Variants in CADM2 observed in about 807,000 individuals in gnomAD.
CADM2 encodes cell adhesion molecule 2, also known as immunoglobulin superfamily member 4D.
CADM2 carries 12 observed loss-of-function variants against 49.8 expected under a neutral mutation model. The ratio of observed to expected loss-of-function variants is 0.24; its 90% CI spans 0.15 to 0.39. The LOEUF is 0.39. Among genes scored for constraint, CADM2 ranks in the 10% least tolerant of loss-of-function variants. CADM2 has a pLI of 1.00. For synonymous variants in CADM2, 214 were observed against 175.4 expected, an observed-to-expected ratio of 1.22 and a Z score of -1.74; for missense variants, 378 against 492.3, an observed-to-expected ratio of 0.77 and a Z score of 2.20.
intron 1 of CADM2, among the ~76,000 whole-genome samples, chr3:85,428,464 G>C (rs759106498): frequency 8.3e-5 from 12 of 144,200 alleles, no homozygotes; most frequent in Non-Finnish European, 1.7e-4. Flanking sequence ...TATATGATAT[G>C]TATCATACTA....
chr3:85,097,312 C>T (rs1309958885), intron 1 of CADM2, among the ~76,000 whole-genome samples: 3 of 152,110 alleles, frequency 2.0e-5, no homozygotes, highest in Non-Finnish European at 4.4e-5. Flanking sequence ...ATCCATGTCC[C>T]TACAAAGGAC....
chr3:85,610,793 A>T (rs2063661934), intron 1 of CADM2, among the ~76,000 whole-genome samples: 1 of 152,014 alleles, frequency 6.6e-6, no homozygotes, highest in African/African-American at 2.4e-5. Flanking sequence ...AAATTACAAT[A>T]TAATTAATGT....
chr3:86,039,016 T>C (rs1326426409), intron 8 of CADM2, among the ~76,000 whole-genome samples: 2 of 152,198 alleles, frequency 1.3e-5, no homozygotes, highest in Non-Finnish European at 2.9e-5. Flanking sequence ...CTCCTCTCTA[T>C]ATGTCCGTAC....
rs1198080656 is a variant in CADM2 at position 85,080,331 on chromosome 3, C to G, written c.61+120663C>G. On this transcript the variant is annotated intron_variant, in intron 1 of 9. Transcript: ENST00000383699. ...AGCGGACCATGGATTCATGCTTGGTCAAAAACAGAAAATACATATCATTTC... is the reference window on the plus strand; with the variant it reads ...AGCGGACCATGGATTCATGCTTGGTGAAAAACAGAAAATACATATCATTTC... 2.6e-5 allele frequency among the ~76,000 whole-genome samples: 4 copies of G among 151,970 alleles called. 1 individual carries two copies. The East Asian group carries it at 7.8e-4, about 29-fold the overall frequency.
chr3:85,820,699 G>T (rs939162927), intron 3 of CADM2, among the ~76,000 whole-genome samples: 3 of 152,082 alleles, frequency 2.0e-5, no homozygotes, highest in Non-Finnish European at 2.9e-5. Context: ...GAGATTACAT[G>T]ATAGCCAATT....
At chr3:85,629,142 CAT>C (rs969025238) in intron 1 of CADM2, among the ~76,000 whole-genome samples, 2 of 151,028 alleles carry the variant, frequency 1.3e-5, no homozygotes, top group African/African-American at 4.9e-5. Context: ...TATATATGGT[CAT>C]ATATATATAT....
rs976771558 is a variant in CADM2, at chr3:86,012,523, G to A, written c.970+50876G>A. ...GCGGGCGGACTGCCCTGAGGAGGCC[G>A]GGAGCGGAGGGCTGGGCCAGCCAGC... is the stretch of plus-strand genomic sequence containing the variant. On this transcript the variant is annotated intron_variant, in intron 8 of 9. Transcript: ENST00000383699. The A allele has an allele frequency of 6.5e-5, 86 of 1,332,980 alleles. No homozygotes were observed. The East Asian group carries it at 2.3e-3, about 36-fold the overall frequency. The allele number at this position is 1,332,980 out of a possible 1,614,324, so 82.6% of individuals were successfully genotyped here.
At chr3:85,081,145 ATAT>A (rs1160242905) in intron 1 of CADM2, among the ~76,000 whole-genome samples, 1 of 152,140 alleles carries the variant, frequency 6.6e-6, no homozygotes, top group Non-Finnish European at 1.5e-5. Flanking sequence ...ATAAGTGAAA[ATAT>A]TCATAATGTT....
At chr3:85,364,665 T>G (rs893338373) in intron 1 of CADM2, among the ~76,000 whole-genome samples, 4 of 152,186 alleles carry the variant, frequency 2.6e-5, no homozygotes, top group African/African-American at 9.7e-5. Context: ...AAGCAATGAA[T>G]TACTACAGCC....
intron 8 of CADM2, among the ~76,000 whole-genome samples, chr3:85,972,993 A>G (rs547789489): frequency 1.3e-5 from 2 of 151,888 alleles, no homozygotes; most frequent in South Asian, 4.1e-4. Context: ...ATATAGAACT[A>G]TTCTGTATGC....
intron 2 of CADM2, among the ~76,000 whole-genome samples, chr3:85,767,259 G>A (rs2069705338): frequency 6.6e-6 from 1 of 152,132 alleles, no homozygotes. Context: ...GGCTGACTGT[G>A]TCAATATTGG....
At chr3:85,958,806 C>A (rs910331254) in intron 7 of CADM2, among the ~76,000 whole-genome samples, 2 of 151,820 alleles carry the variant, frequency 1.3e-5, no homozygotes, top group African/African-American at 4.8e-5. Flanking sequence ...GAACAGAAAA[C>A]CAAACACTTC....
At chr3:85,515,765 C>T (rs942168693) in intron 1 of CADM2, among the ~76,000 whole-genome samples, 1 of 151,748 alleles carries the variant, frequency 6.6e-6, no homozygotes, top group African/African-American at 2.4e-5. Flanking sequence ...ACATGAGCCA[C>T]TGTGCTTGGC....
chr3:85,041,888 A>AAG (rs1415537443), intron 1 of CADM2, among the ~76,000 whole-genome samples: 1 of 152,222 alleles, frequency 6.6e-6, no homozygotes, highest in Non-Finnish European at 1.5e-5. Context: ...AAAGAAAAAA[A>AAG]AGTCTTACAG....
chr3:85,771,313 A>T (rs1166379910), intron 2 of CADM2, among the ~76,000 whole-genome samples: 7 of 152,116 alleles, frequency 4.6e-5, no homozygotes, highest in African/African-American at 1.2e-4. Context: ...GGGAAATTAA[A>T]TACAAATTAA....
rs538467630 is a variant in CADM2, at chr3:85,811,360, A to G, written c.238+9164A>G. ...TTACTAAAACCCTACTAAAAGAAAA[A>G]TTATTTTAACAAACACTGAACAGTT... On this transcript the variant is annotated intron_variant, in intron 3 of 9. Coordinates refer to ENST00000383699, the MANE Select transcript of CADM2 (RefSeq NM_001167675.2). 4.6e-5 allele frequency among the ~76,000 whole-genome samples: 7 copies of G among 152,318 alleles called. No individual in the cohort carries two copies. The South Asian group carries it at 1.4e-3, about 32-fold the overall frequency.
At chr3:85,598,450 T>G in intron 1 of CADM2, among the ~76,000 whole-genome samples, 1 of 152,034 alleles carries the variant, frequency 6.6e-6, no homozygotes, top group East Asian at 1.9e-4. Context: ...CTATATTTTG[T>G]GTAAATTAAT....
chr3:85,833,927 T>C (rs1171753396), intron 3 of CADM2, among the ~76,000 whole-genome samples: 1 of 151,708 alleles, frequency 6.6e-6, no homozygotes, highest in Non-Finnish European at 1.5e-5. Flanking sequence ...GAGATTGCAT[T>C]GAATCTGTAG....
intron 6 of CADM2, among the ~76,000 whole-genome samples, chr3:85,921,725 C>A (rs1719141618): frequency 6.6e-6 from 1 of 151,804 alleles, no homozygotes; most frequent in African/African-American, 2.4e-5. Context: ...TGGGTTTTGA[C>A]ATGTGTATAA....
Sources: gnomAD v4.1 joint callset for allele counts (sites outside exome capture counted in the v4.1 genomes callset) on GRCh38, gnomAD v4.1.1 for gene constraint, MANE v1.5 for transcripts, NCBI Gene and HGNC (gene_info 2026-07-23, HGNC 2026-07-21) for gene names.